PTPN6: variants seen among roughly 807,000 people sequenced by gnomAD.
PTPN6 encodes tyrosine-protein phosphatase non-receptor type 6.
A neutral mutation model predicts 81.5 loss-of-function variants in PTPN6; 18 were observed. The ratio of observed to expected loss-of-function variants is 0.22; its 90% CI spans 0.15 to 0.33. The LOEUF (loss-of-function observed/expected upper bound fraction) is 0.33, where lower values mean the gene tolerates loss of function less well. Among genes scored for constraint, PTPN6 ranks in the 10% least tolerant of loss-of-function variants. The pLI, the probability that PTPN6 is intolerant of heterozygous loss-of-function variation, is 1.00. For missense variants in PTPN6, 500 were observed against 794.2 expected (o/e 0.63, Z 4.45); for synonymous variants, 301 against 310.9 (o/e 0.97, Z 0.33).
upstream of PTPN6, among the ~76,000 whole-genome samples, chr12:6,947,909 G>A (rs1436139384): frequency 3.9e-5 from 6 of 152,156 alleles, no homozygotes. Flanking sequence ...ACAAAAAAAG[G>A]ACAGTGTGCC....
chr12:6,960,260 G>GGAGA lies in PTPN6; in HGVS notation c.1581+22_1581+23insAGAG. The GGAGA allele has an allele frequency of 2.1e-6, 1 of 471,180 alleles. No individual in the cohort carries two copies. Among genetic ancestry groups the GGAGA allele is most frequent in the Non-Finnish European group, 2.9e-6 (1 of 342,256 alleles). The allele number at this position is 471,180 out of a possible 1,614,324, so 29.2% of individuals were successfully genotyped here. On this transcript the variant is annotated intron_variant, in intron 13 of 15. Coordinates refer to ENST00000318974, the MANE Select transcript of PTPN6 (RefSeq NM_002831.6). This position sits in a 1 kb window ranked among gnomAD's most constrained non-coding sequence, Gnocchi z 6.1. ...TGCAGGTGCGTGCAGAGCAGGGCCTGGGGGGGGGGGGGGCTGCAGTGCAGG... is the reference window on the plus strand; with the variant it reads ...TGCAGGTGCGTGCAGAGCAGGGCCTGGAGAGGGGGGGGGGGGGCTGCAGTGCAGG...
chr12:6,958,158 C>T lies in PTPN6; in HGVS notation c.1361+85C>T, dbSNP rs782123621. 204 of 1,548,208 alleles carry T rather than the reference C, an allele frequency of 1.3e-4. 1 individual carries two copies. Among genetic ancestry groups the T allele is most frequent in the Middle Eastern group, 1.8e-4 (1 of 5,608 alleles). ...CATGAGCTGTTATAAGCAATATAAA[C>T]GTTAGCTCGCACATTGAGTGCCCTC... On this transcript the variant is annotated intron_variant, in intron 11 of 15. Coordinates refer to ENST00000318974, the MANE Select transcript of PTPN6 (RefSeq NM_002831.6).
Position 6,959,703 on chromosome 12 carries a change from G to A in PTPN6, c.1362-224G>A. 1 of 607,892 alleles carries A rather than the reference G, an allele frequency of 1.6e-6. No individual in the cohort carries two copies. Among genetic ancestry groups the A allele is most frequent in the Non-Finnish European group, 2.9e-6 (1 of 340,798 alleles). 37.7% of individuals were successfully genotyped at this position (607,892 alleles called of 1,614,324 possible). A position where few individuals can be genotyped will look rare whatever the true frequency, so the allele number is the denominator to read the frequency against. On this transcript the variant is annotated intron_variant, in intron 11 of 15. Coordinates refer to ENST00000318974, the MANE Select transcript of PTPN6 (RefSeq NM_002831.6). This position sits in a 1 kb window ranked among gnomAD's most constrained non-coding sequence, Gnocchi z 6.6. ...AGTGGAGGAGGGAAGGATGGTGGCAGCTGGGGAGCCAGCGTCAGCACCGCA... is the reference window on the plus strand; with the variant it reads ...AGTGGAGGAGGGAAGGATGGTGGCAACTGGGGAGCCAGCGTCAGCACCGCA...
rs1555149059 is a variant in PTPN6 at position 6,958,062 on chromosome 12, C to T, written c.1350C>T (p.Ile450=). 12 of 1,611,596 alleles carry T rather than the reference C, an allele frequency of 7.4e-6. No individual in the cohort carries two copies. The highest frequency in any genetic ancestry group is 1.6e-4 in the Middle Eastern group (1 of 6,084). ...GTCTGCCTCACGCAGGGCCCATCAT[C>T]GTGCACTGCAGGTGAGGATGATAAT... The part of the protein sequence containing the change: ...QESLPHAGPI[I]VHCSAGIGRT... Residue 450 remains isoleucine (I), a synonymous_variant, in exon 11 of 16, where the codon ATC becomes ATT. Transcript: ENST00000318974.
Position 6,957,336 on chromosome 12 carries a change from C to T in PTPN6, c.1075-318C>T, listed in dbSNP as rs1030092256. On this transcript the variant is annotated intron_variant, in intron 9 of 15. Coordinates refer to ENST00000318974, the MANE Select transcript of PTPN6 (RefSeq NM_002831.6). This position sits in a 1 kb window ranked among gnomAD's most constrained non-coding sequence, Gnocchi z 6.5. ...CGGTCACCTGTCTCTGTGAGCTCCT[C>T]GAGGCACAGGGGCACAGACTGGGTG... 6.6e-6 allele frequency among the ~76,000 whole-genome samples: 1 copy of T among 152,218 alleles called. No individual in the cohort carries two copies. The highest frequency in any genetic ancestry group is 1.5e-5 in the Non-Finnish European group (1 of 68,044).
upstream of PTPN6, chr12:6,951,220 C>T: frequency 7.0e-7 from 1 of 1,418,584 alleles, no homozygotes; most frequent in Non-Finnish European, 9.2e-7. This position sits in a 1 kb window ranked among gnomAD's most constrained non-coding sequence, Gnocchi z 7.2. Context: ...GGGAAGTGGG[C>T]CCCGTCCCCA....
At position 6,956,324 on chromosome 12, in the gene PTPN6, G is replaced by A; in HGVS notation, c.925-95G>A. 2 of 1,611,262 alleles carry A rather than the reference G, an allele frequency of 1.2e-6. No individual in the cohort carries two copies. The highest frequency in any genetic ancestry group is 1.1e-5 in the South Asian group (1 of 91,008). On this transcript the variant is annotated intron_variant, in intron 8 of 15. Transcript: ENST00000318974. The surrounding 1 kb of genome is among the most constrained non-coding windows in gnomAD (Gnocchi z 4.1). Reference sequence around the variant, plus strand: ...AGACAGCTGGGCAAAGCCGAAGCTGGCTTCTTGCATGGGTGAGGGTGGCAG... The same window carrying A: ...AGACAGCTGGGCAAAGCCGAAGCTGACTTCTTGCATGGGTGAGGGTGGCAG...
At chr12:6,950,236 A>G (rs994520967), upstream of PTPN6, among the ~76,000 whole-genome samples, 1 of 151,902 alleles carries the variant, frequency 6.6e-6, no homozygotes, top group African/African-American at 2.4e-5. Context: ...AAAGGTATGT[A>G]GAGAACCAAG....
chr12:6,960,588 G>C lies in PTPN6; in HGVS notation c.1673+153G>C. The stretch of plus-strand genomic sequence containing the variant: ...CCCCTTCTGTTCATAAGCATTTCCT[G>C]AGTGCCCACACGTGTGGGCCTCTGC... On this transcript the variant is annotated intron_variant, in intron 14 of 15. Transcript: ENST00000318974. This position sits in a 1 kb window ranked among gnomAD's most constrained non-coding sequence, Gnocchi z 6.1. 1 of 1,449,180 alleles carries C rather than the reference G, an allele frequency of 6.9e-7. No individual in the cohort carries two copies. Among genetic ancestry groups the C allele is most frequent in the Non-Finnish European group, 9.5e-7 (1 of 1,055,280 alleles). The allele number at this position is 1,449,180 out of a possible 1,614,324, so 89.8% of individuals were successfully genotyped here.
intron 11 of PTPN6, among the ~76,000 whole-genome samples, chr12:6,958,543 C>T (rs1345262285): frequency 6.6e-6 from 1 of 152,244 alleles, no homozygotes; most frequent in Non-Finnish European, 1.5e-5. Flanking sequence ...TCGGCTTCTT[C>T]CTGACTCTGC....
In PTPN6 at chr12:6,957,629, T is replaced by TGCCCCCCC; in HGVS notation, c.1075-25_1075-24insGCCCCCCC. The stretch of plus-strand genomic sequence containing the variant: ...CCACAGTGCCCTGCTCTGTGCCTCA[T>TGCCCCCCC]CCCCACCCGACCCTCCCTTTCCAGA... On this transcript the variant is annotated intron_variant, in intron 9 of 15. Coordinates refer to ENST00000318974, the MANE Select transcript of PTPN6 (RefSeq NM_002831.6). This position sits in a 1 kb window ranked among gnomAD's most constrained non-coding sequence, Gnocchi z 6.5. 1 of 1,521,466 alleles carries TGCCCCCCC rather than the reference T, an allele frequency of 6.6e-7. No individual in the cohort carries two copies. Among genetic ancestry groups the TGCCCCCCC allele is most frequent in the Non-Finnish European group, 9.0e-7 (1 of 1,105,634 alleles). The allele number at this position is 1,521,466 out of a possible 1,614,324, so 94.2% of individuals were successfully genotyped here.
At position 6,951,552 on chromosome 12, in the gene PTPN6, G is replaced by T; in HGVS notation, c.8+32G>T. On this transcript the variant is annotated intron_variant, in intron 1 of 15. Coordinates refer to ENST00000318974, the MANE Select transcript of PTPN6 (RefSeq NM_002831.6). The surrounding 1 kb of genome is among the most constrained non-coding windows in gnomAD (Gnocchi z 7.2). ...GCCTGCCACCCACGGTAGACAGGAG[G>T]CAAGGGTGCCTGGTGCCCACGGGAC... 6.2e-7 allele frequency: 1 copy of T among 1,614,070 alleles called. No homozygotes were observed. The highest frequency in any genetic ancestry group is 1.1e-5 in the South Asian group (1 of 91,080).
At chr12:6,948,815 G>A (rs1046061133), upstream of PTPN6, among the ~76,000 whole-genome samples, 13 of 151,782 alleles carry the variant, frequency 8.6e-5, no homozygotes, top group Admixed American at 5.2e-4. Flanking sequence ...ACAGTGGTGC[G>A]CACCTGTGAG....
At chr12:6,950,559 G>C (rs1945907181), upstream of PTPN6, among the ~76,000 whole-genome samples, 1 of 152,152 alleles carries the variant, frequency 6.6e-6, no homozygotes, top group Non-Finnish European at 1.5e-5. Flanking sequence ...GACCCATGTT[G>C]ACAGGGCTGC....
rs1287747210 is a variant in PTPN6 at position 6,957,079 on chromosome 12, G to A, written c.1074+511G>A. Among the ~76,000 whole-genome samples, 1 of 152,186 alleles carries A rather than the reference G, an allele frequency of 6.6e-6. No homozygotes were observed. Among genetic ancestry groups the A allele is most frequent in the African/African-American group, 2.4e-5 (1 of 41,442 alleles). On this transcript the variant is annotated intron_variant, in intron 9 of 15. Transcript: ENST00000318974. The surrounding 1 kb of genome is among the most constrained non-coding windows in gnomAD (Gnocchi z 6.5). ...TCTGACCCGCACGCTTCTCTTGAAG[G>A]CTCACCGCCCCCAGCAGCCCCAGCT...
At position 6,959,725 on chromosome 12, in the gene PTPN6, C is replaced by G; in HGVS notation, c.1362-202C>G. 1 of 629,794 alleles carries G rather than the reference C, an allele frequency of 1.6e-6. No individual in the cohort carries two copies. The highest frequency in any genetic ancestry group is 2.8e-6 in the Non-Finnish European group (1 of 355,790). The allele number at this position is 629,794 out of a possible 1,614,324, so 39.0% of individuals were successfully genotyped here. A position where few individuals can be genotyped will look rare whatever the true frequency, so the allele number is the denominator to read the frequency against. On this transcript the variant is annotated intron_variant, in intron 11 of 15. Coordinates refer to ENST00000318974, the MANE Select transcript of PTPN6 (RefSeq NM_002831.6). This position sits in a 1 kb window ranked among gnomAD's most constrained non-coding sequence, Gnocchi z 6.6. ...GCAGCTGGGGAGCCAGCGTCAGCAC[C>G]GCAGAGCCCGAGGTGGAGCGTGTCC...
chr12:6,958,108 C>T (rs1946064961), intron 11 of PTPN6, 35 bp downstream of exon 11: 2 of 1,604,022 alleles, frequency 1.2e-6, no homozygotes, highest in African/African-American at 2.7e-5. Context: ...GTAGTGACAG[C>T]TGAGAAGTAA....
rs1233067981 is a variant in PTPN6, at chr12:6,955,589, C to T, written c.748-71C>T. 1.3e-6 allele frequency: 2 copies of T among 1,571,452 alleles called. No homozygotes were observed. The highest frequency in any genetic ancestry group is 1.4e-5 in the African/African-American group (1 of 73,900). ...TCCTTGCCCACCTCTGCTCCTGACC[C>T]ACCCCACGTGAGCTCCCCCGATGGA... On this transcript the variant is annotated intron_variant, in intron 6 of 15. Coordinates refer to ENST00000318974, the MANE Select transcript of PTPN6 (RefSeq NM_002831.6). This position sits in a 1 kb window ranked among gnomAD's most constrained non-coding sequence, Gnocchi z 7.2.
chr12:6,956,226 G>A lies in PTPN6; in HGVS notation c.924+5G>A. 13 of 1,614,058 alleles carry A rather than the reference G, an allele frequency of 8.1e-6. No homozygotes were observed. Among genetic ancestry groups the A allele is most frequent in the Non-Finnish European group, 1.1e-5 (13 of 1,179,890 alleles). On this transcript the variant is annotated splice_donor_5th_base_variant and intron_variant, in intron 8 of 15. Transcript: ENST00000318974. The surrounding 1 kb of genome is among the most constrained non-coding windows in gnomAD (Gnocchi z 4.1). ...ATCAATGCCAACTACATCAAGGTCA[G>A]CAGTGTGGGCCACGTGGGAGGAGAG... is the stretch of plus-strand genomic sequence containing the variant.
Sources: gnomAD v4.1 joint callset for allele counts (sites outside exome capture counted in the v4.1 genomes callset) on GRCh38, gnomAD v4.1.1 for gene constraint, Gnocchi (gnomAD v3.1) non-coding constraint, MANE v1.5 for transcripts, NCBI Gene and HGNC (gene_info 2026-07-23, HGNC 2026-07-21) for gene names.